SYTL2: variants seen among roughly 807,000 people sequenced by gnomAD.
The protein encoded by SYTL2 is synaptotagmin-like protein 2.
In SYTL2, 165 loss-of-function variants were observed where a neutral mutation model predicts 198.7. The observed-to-expected ratio is 0.83, with a 90% CI of 0.73 to 0.94. The LOEUF is 0.94. Among genes scored for constraint, SYTL2 ranks in the 40% least tolerant of loss-of-function variants. The pLI is 0.00. For synonymous variants in SYTL2, 966 were observed against 917.7 expected (o/e 1.05, Z -0.95); for missense variants, 2,835 against 2,582.8 (o/e 1.10, Z -2.12).
chr11:85,758,821 C>G (rs987676665), intron 1 of SYTL2, among the ~76,000 whole-genome samples: 1 of 152,198 alleles, frequency 6.6e-6, no homozygotes, highest in Non-Finnish European at 1.5e-5. Flanking sequence ...ATCTTCAATA[C>G]ATATGTAATG....
At chr11:85,770,760 T>G (rs574184234) in intron 1 of SYTL2, among the ~76,000 whole-genome samples, 2 of 152,302 alleles carry the variant, frequency 1.3e-5, no homozygotes, top group Admixed American at 6.5e-5. Flanking sequence ...ACCTCCTCCA[T>G]GAAACTGCTC....
chr11:85,740,847 A>C (rs1591836237), intron 4 of SYTL2, among the ~76,000 whole-genome samples: 2 of 152,226 alleles, frequency 1.3e-5, no homozygotes, highest in African/African-American at 4.8e-5. Flanking sequence ...TTTTAATACA[A>C]GTCTTTGAAA....
the SYTL2 span, among the ~76,000 whole-genome samples, chr11:85,828,553 T>C: frequency 6.6e-6 from 1 of 152,214 alleles, no homozygotes; most frequent in Non-Finnish European, 1.5e-5. Flanking sequence ...TCTCTGTCTA[T>C]CTCTACCTAT....
intron 1 of SYTL2, among the ~76,000 whole-genome samples, chr11:85,781,395 C>T (rs2092557510): frequency 6.6e-6 from 1 of 152,166 alleles, no homozygotes; most frequent in African/African-American, 2.4e-5. Flanking sequence ...ATGAGAACTA[C>T]AATTCAAGAT....
At chr11:85,767,097 C>T (rs1298355411) in intron 1 of SYTL2, among the ~76,000 whole-genome samples, 2 of 152,172 alleles carry the variant, frequency 1.3e-5, no homozygotes, top group East Asian at 1.9e-4. Context: ...GTTAAACACG[C>T]ATATTTGTAT....
chr11:85,777,203 G>A (rs575211765), intron 1 of SYTL2, among the ~76,000 whole-genome samples: 195 of 152,176 alleles, frequency 1.3e-3, no homozygotes, highest in Non-Finnish European at 2.0e-3. Flanking sequence ...ATTTTTCTTG[G>A]TAGCAGAAAT....
At chr11:85,713,546 C>A (rs890758319) in intron 12 of SYTL2, among the ~76,000 whole-genome samples, 3 of 152,182 alleles carry the variant, frequency 2.0e-5, no homozygotes, top group Admixed American at 6.5e-5. Context: ...AACTACCTGA[C>A]TGCAAGAACA....
At chr11:85,854,470 C>G in the SYTL2 span, 1 of 151,804 alleles carries the variant, frequency 6.6e-6, no homozygotes, top group Admixed American at 6.6e-5. Flanking sequence ...GTGGGAAATG[C>G]TGGACTTAAA....
At chr11:85,723,422 T>C (rs2088648250) in intron 8 of SYTL2, among the ~76,000 whole-genome samples, 1 of 152,220 alleles carries the variant, frequency 6.6e-6, no homozygotes, top group Non-Finnish European at 1.5e-5. Context: ...GCACAAGGTA[T>C]CTGAGGGAAG....
Position 85,707,879 on chromosome 11 carries a change from G to T in SYTL2, c.5916-348C>A, listed in dbSNP as rs138493674. Among the ~76,000 whole-genome samples, 407 of 147,952 alleles carry T rather than the reference G, an allele frequency of 2.8e-3. 2 individuals are homozygous for T. Among genetic ancestry groups the T allele is most frequent in the African/African-American group, 9.3e-3 (372 of 39,990 alleles). On this transcript the variant is annotated intron_variant, in intron 14 of 19. Transcript: ENST00000359152. ...AATCCCAGCACTCTGGGAGGCCAAG[G>T]TGAGCAGATCACCTGAGGTCGGGAG...
chr11:85,825,397 A>C, the SYTL2 span, among the ~76,000 whole-genome samples: 1 of 151,384 alleles, frequency 6.6e-6, no homozygotes, highest in Non-Finnish European at 1.5e-5. Context: ...CAAAAAAAAA[A>C]AAAAAAAGGA....
rs759025098 is a variant in SYTL2 at position 85,695,377 on chromosome 11, C to T, written c.6575-37G>A. ...AAGCTTTGCATTTAGAAAGAAACAGCTCATTGGGGGTAGGGGAAAGAGGGA... is the reference window on the plus strand; with the variant it reads ...AAGCTTTGCATTTAGAAAGAAACAGTTCATTGGGGGTAGGGGAAAGAGGGA... On this transcript the variant is annotated intron_variant, in intron 19 of 19. Transcript: ENST00000359152. The T allele has an allele frequency of 4.0e-6, 6 of 1,513,768 alleles. No homozygotes were observed. The South Asian group carries it at 7.9e-5, about 20-fold the overall frequency. The allele number at this position is 1,513,768 out of a possible 1,614,324, so 93.8% of individuals were successfully genotyped here. A position where few individuals can be genotyped will look rare whatever the true frequency, so the allele number is the denominator to read the frequency against.
intron 1 of SYTL2, among the ~76,000 whole-genome samples, chr11:85,763,152 G>T (rs1291218797): frequency 6.6e-6 from 1 of 152,164 alleles, no homozygotes; most frequent in Admixed American, 6.5e-5. Context: ...CATATGATGG[G>T]TATATTCTCT....
At chr11:85,720,803 T>A in intron 9 of SYTL2, 55 bp downstream of exon 9, 4 of 1,221,694 alleles carry the variant, frequency 3.3e-6, no homozygotes, top group Non-Finnish European at 4.9e-6. Context: ...GGAGAGCACA[T>A]AGGCATTTTT....
At chr11:85,769,757 G>A (rs768732230) in intron 1 of SYTL2, among the ~76,000 whole-genome samples, 12 of 152,244 alleles carry the variant, frequency 7.9e-5, no homozygotes, top group South Asian at 2.1e-4. Context: ...TTTTATCAGC[G>A]GCTTACATAC....
chr11:85,828,709 G>A, the SYTL2 span, among the ~76,000 whole-genome samples: 4 of 152,272 alleles, frequency 2.6e-5, no homozygotes, highest in East Asian at 7.7e-4. Flanking sequence ...TCTAAGACAG[G>A]TTTGACAAGA....
In SYTL2 at chr11:85,734,231, T is replaced by C; in HGVS notation, c.1098A>G (p.Lys366=). Residue 366 remains lysine (K), a synonymous_variant, in exon 7 of 20, where the codon AAA becomes AAG. Coordinates refer to ENST00000359152, the MANE Select transcript of SYTL2 (RefSeq NM_206927.4). The part of the protein sequence containing the change: ...EFSVLESDRL[K]NGMEDAGDTE... ...TGTCCCCTGCATCTTCCATTCCATT[T>C]TTCAATCTGTCAGATTCTAAAACAC... is the stretch of plus-strand genomic sequence containing the variant. 1.2e-6 allele frequency: 2 copies of C among 1,614,228 alleles called. No homozygotes were observed. Among genetic ancestry groups the C allele is most frequent in the Non-Finnish European group, 1.7e-6 (2 of 1,180,022 alleles).
intron 2 of SYTL2, among the ~76,000 whole-genome samples, chr11:85,753,230 G>T (rs985043669): frequency 1.3e-5 from 2 of 152,084 alleles, no homozygotes; most frequent in Non-Finnish European, 2.9e-5. Flanking sequence ...CTTAAAGGTG[G>T]GTCAGGGCAG....
chr11:85,724,163 C>G lies in SYTL2; in HGVS notation c.5195G>C (p.Ser1732Thr). 1 of 1,604,754 alleles carries G rather than the reference C, an allele frequency of 6.2e-7. No homozygotes were observed. Among genetic ancestry groups the G allele is most frequent in the East Asian group, 2.2e-5 (1 of 44,666 alleles). Residue 1732 changes from serine to threonine, a missense_variant, in exon 8 of 20, where the codon AGT (serine) becomes ACT (threonine). Coordinates refer to ENST00000359152, the MANE Select transcript of SYTL2 (RefSeq NM_206927.4). ...LMNKENSTKT[S>T]KVELTLASPY... is the part of the protein sequence containing the mutation. The stretch of plus-strand genomic sequence containing the variant: ...CGATGCTAGAGTCAATTCAACTTTA[C>G]TTGTTTTTGTAGAGTTTTCTTTGTT...
Sources: allele counts gnomAD v4.1 joint callset (sites outside exome capture counted in the v4.1 genomes callset), GRCh38; gene constraint gnomAD v4.1.1; transcripts MANE v1.5; gene names NCBI Gene and HGNC (gene_info 2026-07-23, HGNC 2026-07-21).